Variants in SPECC1 observed in about 807,000 individuals in gnomAD.
SPECC1 encodes cytospin-B.
In SPECC1, 62 loss-of-function variants were observed where a neutral mutation model predicts 104.1. That is an observed-to-expected ratio of 0.60 (90% CI 0.49 to 0.74). SPECC1 has a LOEUF of 0.74. SPECC1 is among the 30% of genes least tolerant of loss of function. The pLI is 0.00. For synonymous variants in SPECC1, 513 were observed against 501.6 expected (o/e 1.02, Z -0.30); for missense variants, 1,306 against 1,310.5 (o/e 1.00, Z 0.05).
chr17:20,097,197 G>A (rs1044185158), intron 2 of SPECC1, among the ~76,000 whole-genome samples: 1 of 152,114 alleles, frequency 6.6e-6, no homozygotes, highest in South Asian at 2.1e-4. Flanking sequence ...TGTTGATTAC[G>A]CCCTTCATGA....
chr17:20,186,057 C>G (rs1277514973), intron 3 of SPECC1, among the ~76,000 whole-genome samples: 1 of 152,108 alleles, frequency 6.6e-6, no homozygotes. Flanking sequence ...AGGCTGGTCT[C>G]GAACTCCTGA....
rs190826112 is a variant in SPECC1, at chr17:20,283,070, G to A, written c.2941-13891G>A. Among the ~76,000 whole-genome samples, 17 of 152,270 alleles carry A rather than the reference G, an allele frequency of 1.1e-4. No individual in the cohort carries two copies. In the East Asian group the frequency reaches 2.5e-3, roughly 22 times the overall value. ...ATGGTGGCTTCCACCTGTAGTCCCA[G>A]CTACTCTGGAGGCTGAGGTGGGAGG... On this transcript the variant is annotated intron_variant, in intron 12 of 14. Transcript: ENST00000395527.
chr17:20,186,276 T>G (rs1297281244), intron 3 of SPECC1, among the ~76,000 whole-genome samples: 1 of 152,222 alleles, frequency 6.6e-6, no homozygotes, highest in East Asian at 1.9e-4. Flanking sequence ...AAAATTATGT[T>G]TACACTATAT....
intron 1 of SPECC1, among the ~76,000 whole-genome samples, chr17:20,028,173 A>G (rs1377024344): frequency 6.6e-6 from 1 of 152,024 alleles, no homozygotes; most frequent in Non-Finnish European, 1.5e-5. Flanking sequence ...GTTGAAAAGA[A>G]TGGTCTTGTT....
At chr17:20,023,190 A>T (rs1380488495) in intron 1 of SPECC1, among the ~76,000 whole-genome samples, 1 of 152,184 alleles carries the variant, frequency 6.6e-6, no homozygotes, top group Non-Finnish European at 1.5e-5. Context: ...GTAGTGTGAA[A>T]GCTGCTATAG....
At chr17:20,294,101 C>T (rs1409493084) in intron 12 of SPECC1, among the ~76,000 whole-genome samples, 1 of 152,194 alleles carries the variant, frequency 6.6e-6, no homozygotes, top group East Asian at 1.9e-4. Flanking sequence ...CCTGCCTCAG[C>T]CTCCCAAGTA....
chr17:20,147,868 T>C (rs968411485), intron 3 of SPECC1, among the ~76,000 whole-genome samples: 1 of 152,124 alleles, frequency 6.6e-6, no homozygotes, highest in Non-Finnish European at 1.5e-5. Flanking sequence ...AGATCCCATA[T>C]CTATAAAACA....
chr17:20,190,026 A>C (rs1005952540), intron 3 of SPECC1, among the ~76,000 whole-genome samples: 6 of 151,854 alleles, frequency 4.0e-5, no homozygotes, highest in African/African-American at 1.5e-4. Context: ...ATTTCTATTG[A>C]CTTTTAGTAC....
chr17:20,121,804 C>T (rs944066281), intron 3 of SPECC1, among the ~76,000 whole-genome samples: 18 of 152,338 alleles, frequency 1.2e-4, no homozygotes, highest in African/African-American at 3.8e-4. Context: ...TCAAGGAATC[C>T]AGCCACTAGG....
intron 3 of SPECC1, among the ~76,000 whole-genome samples, chr17:20,123,243 C>T (rs922937781): frequency 6.6e-6 from 1 of 152,128 alleles, no homozygotes; most frequent in Non-Finnish European, 1.5e-5. Flanking sequence ...ATATAGCACA[C>T]GTGGGATCCA....
chr17:20,236,844 G>A (rs377347091), intron 7 of SPECC1: 59 of 1,613,566 alleles, frequency 3.7e-5, no homozygotes, highest in Non-Finnish European at 4.9e-5. Flanking sequence ...TCTCCCTCCC[G>A]TTTCTATTTT....
chr17:20,031,405 C>T (rs1423585960), intron 1 of SPECC1, among the ~76,000 whole-genome samples: 1 of 152,130 alleles, frequency 6.6e-6, no homozygotes, highest in Non-Finnish European at 1.5e-5. Context: ...CTGCAACCTC[C>T]GCCTTCTGGT....
At chr17:20,093,040 CT>C (rs1308627471) in intron 1 of SPECC1, among the ~76,000 whole-genome samples, 2 of 152,218 alleles carry the variant, frequency 1.3e-5, no homozygotes, top group African/African-American at 2.4e-5. Context: ...GTTGCTTAAC[CT>C]CCCTTGGGGA....
At chr17:20,210,063 T>C (rs1444298843) in intron 4 of SPECC1, among the ~76,000 whole-genome samples, 1 of 152,122 alleles carries the variant, frequency 6.6e-6, no homozygotes, top group Non-Finnish European at 1.5e-5. Context: ...GTGTTCTGCT[T>C]GTGTGGGTCC....
At chr17:20,114,576 G>A (rs1203339469) in intron 3 of SPECC1, among the ~76,000 whole-genome samples, 1 of 151,294 alleles carries the variant, frequency 6.6e-6, no homozygotes, top group African/African-American at 2.4e-5. Flanking sequence ...GGAAGGGCCT[G>A]TATCTCCCTA....
At chr17:20,214,696 C>T (rs565973573) in intron 4 of SPECC1, among the ~76,000 whole-genome samples, 12 of 152,214 alleles carry the variant, frequency 7.9e-5, no homozygotes, top group Admixed American at 1.3e-4. Context: ...TTAGTAGAGA[C>T]GGGGTTTCAC....
chr17:20,227,591 A>G lies in SPECC1; in HGVS notation c.2042A>G (p.His681Arg). 6.2e-7 allele frequency: 1 copy of G among 1,611,656 alleles called. No homozygotes were observed. The highest frequency in any genetic ancestry group is 8.5e-7 in the Non-Finnish European group (1 of 1,179,452). Reference sequence around the variant, plus strand: ...GAACAGCACCGGGCTGTCAAGTTACACAATAATCAACTCATCAGTGAGCTA... The same window carrying G: ...GAACAGCACCGGGCTGTCAAGTTACGCAATAATCAACTCATCAGTGAGCTA... ...QVEQHRAVKL[H>R]NNQLISELES... Residue 681 changes from histidine to arginine, a missense_variant, in exon 5 of 15, where the codon CAC (histidine) becomes CGC (arginine). Around this residue, in one of 2 missense-constraint regions of SPECC1, gnomAD observed 1,177 missense variants for 1,139.9 expected, o/e 1.03. Transcript: ENST00000395527.
chr17:20,231,527 A>G (rs2038579923), intron 5 of SPECC1, among the ~76,000 whole-genome samples: 1 of 152,200 alleles, frequency 6.6e-6, no homozygotes, highest in Admixed American at 6.5e-5. Context: ...ACCTCAATAC[A>G]CATCACATAT....
At chr17:20,117,718 A>G (rs1215252060) in intron 3 of SPECC1, among the ~76,000 whole-genome samples, 4 of 88,362 alleles carry the variant, frequency 4.5e-5, no homozygotes, top group Non-Finnish European at 7.3e-5. Flanking sequence ...AAAAAAAAAA[A>G]AAAGAAAAGG....
Sources: allele counts gnomAD v4.1 joint callset (sites outside exome capture counted in the v4.1 genomes callset), GRCh38; gene constraint gnomAD v4.1.1; regional missense constraint gnomAD v4.1.1; transcripts MANE v1.5; gene names NCBI Gene and HGNC (gene_info 2026-07-23, HGNC 2026-07-21).